SENP7: variants seen among roughly 807,000 people sequenced by gnomAD.
The protein encoded by SENP7 is sentrin-specific protease 7.
In SENP7, 64 loss-of-function variants were observed where a neutral mutation model predicts 141.2. The ratio of observed to expected loss-of-function variants is 0.45; its 90% CI spans 0.37 to 0.56. The LOEUF is 0.56. Ranked by LOEUF, SENP7 falls within the 20% of genes least tolerant of loss-of-function variation. The pLI is 0.00. For missense variants in SENP7, 1,025 were observed against 1,212.2 expected (o/e 0.85, Z 2.29); for synonymous variants, 382 against 426.4 (o/e 0.90, Z 1.28).
At chr3:101,396,512 G>C (rs1397246487) in intron 6 of SENP7, among the ~76,000 whole-genome samples, 1 of 151,564 alleles carries the variant, frequency 6.6e-6, no homozygotes, top group Non-Finnish European at 1.5e-5. Flanking sequence ...CCAACAGAAA[G>C]TACCTTCCTT....
chr3:101,341,481 A>G (rs2059324744), intron 15 of SENP7, among the ~76,000 whole-genome samples, 165 bp downstream of exon 15: 1 of 152,176 alleles, frequency 6.6e-6, no homozygotes, highest in South Asian at 2.1e-4. Context: ...TTCTTAATAA[A>G]TTTTTTAACT....
At chr3:101,493,555 G>A (rs958190680) in intron 3 of SENP7, among the ~76,000 whole-genome samples, 1 of 151,714 alleles carries the variant, frequency 6.6e-6, no homozygotes, top group African/African-American at 2.4e-5. Context: ...ACTTAAAATG[G>A]GTCAAGTGCA....
chr3:101,422,592 G>A (rs2061822796), intron 4 of SENP7, among the ~76,000 whole-genome samples: 1 of 152,004 alleles, frequency 6.6e-6, no homozygotes, highest in Admixed American at 6.6e-5. Flanking sequence ...TACTTGCCTA[G>A]GCTTTTTAGA....
Position 101,326,013 on chromosome 3 carries a change from G to C in SENP7, c.3083C>G (p.Thr1028Ser), listed in dbSNP as rs757536413. 1.9e-5 allele frequency: 31 copies of C among 1,610,550 alleles called. No homozygotes were observed. Among genetic ancestry groups the C allele is most frequent in the Non-Finnish European group, 2.5e-5 (29 of 1,178,278 alleles). Reference sequence around the variant, plus strand: ...GAGCTCTCGAATATCTTCCCGTTTGGTCTTTATTACATGACGAGGAAACCA... The same window carrying C: ...GAGCTCTCGAATATCTTCCCGTTTGCTCTTTATTACATGACGAGGAAACCA... ...EKWFPRHVIK[T>S]KREDIRELIL... is the part of the protein sequence containing the mutation. Residue 1028 changes from threonine to serine, a missense_variant, in exon 24 of 24, where the codon ACC (threonine) becomes AGC (serine). Thr to Ser is a moderately conservative substitution (Grantham distance 58). Around this residue, in one of 4 missense-constraint regions of SENP7, gnomAD observed 295 missense variants for 459.1 expected, o/e 0.64. Coordinates refer to ENST00000394095, the MANE Select transcript of SENP7 (RefSeq NM_020654.5).
chr3:101,484,964 G>C (rs1259821711), intron 3 of SENP7, among the ~76,000 whole-genome samples: 1 of 151,844 alleles, frequency 6.6e-6, no homozygotes, highest in Admixed American at 6.6e-5. Context: ...CTGGTAGCTG[G>C]GTGAGGTCTG....
chr3:101,500,834 T>C (rs867696372), intron 2 of SENP7, among the ~76,000 whole-genome samples: 2 of 152,266 alleles, frequency 1.3e-5, no homozygotes, highest in South Asian at 4.2e-4. Flanking sequence ...TAAAATGAGC[T>C]CTGGAAAGTA....
chr3:101,460,022 C>T (rs1297112559), intron 3 of SENP7, among the ~76,000 whole-genome samples: 1 of 152,108 alleles, frequency 6.6e-6, no homozygotes, highest in African/African-American at 2.4e-5. Context: ...TCAAAACATG[C>T]TGTAAGAAAT....
intron 4 of SENP7, among the ~76,000 whole-genome samples, chr3:101,443,381 T>C (rs1356065592): frequency 7.9e-5 from 12 of 151,640 alleles, no homozygotes; most frequent in Admixed American, 5.9e-4. Context: ...AGTCAGGTAG[T>C]GTGATGCCTC....
chr3:101,447,881 G>GACAT (rs2062956332), intron 4 of SENP7, among the ~76,000 whole-genome samples: 1 of 152,088 alleles, frequency 6.6e-6, no homozygotes, highest in African/African-American at 2.4e-5. Flanking sequence ...CATATGGACA[G>GACAT]ACATACAGAT....
chr3:101,430,907 C>A (rs1302209646), intron 4 of SENP7, among the ~76,000 whole-genome samples: 1 of 152,168 alleles, frequency 6.6e-6, no homozygotes, highest in African/African-American at 2.4e-5. Context: ...TTTTAAAGAA[C>A]ATCTTTATTT....
chr3:101,501,804 C>T (rs2065392772), intron 1 of SENP7, among the ~76,000 whole-genome samples: 1 of 152,156 alleles, frequency 6.6e-6, no homozygotes, highest in Admixed American at 6.5e-5. Flanking sequence ...GAATATATCA[C>T]AGATTTTACT....
chr3:101,460,455 C>T (rs1195299708), intron 3 of SENP7, among the ~76,000 whole-genome samples: 1 of 152,084 alleles, frequency 6.6e-6, no homozygotes, highest in Non-Finnish European at 1.5e-5. Context: ...GAAAAATAAA[C>T]TTTCAACAAA....
chr3:101,477,121 A>G (rs1016906916), intron 3 of SENP7, among the ~76,000 whole-genome samples: 1 of 152,100 alleles, frequency 6.6e-6, no homozygotes, highest in African/African-American at 2.4e-5. Flanking sequence ...CCATTTGTCA[A>G]TTTTGGCTTT....
chr3:101,454,921 G>A (rs140726243), intron 4 of SENP7, among the ~76,000 whole-genome samples: 126 of 152,292 alleles, frequency 8.3e-4, no homozygotes, highest in African/African-American at 2.8e-3. Context: ...AGACTGTAGT[G>A]ATGGCTCACA....
rs146041577 is a variant in SENP7 at position 101,389,937 on chromosome 3, G to A, written c.677+8924C>T. 5.9e-4 allele frequency among the ~76,000 whole-genome samples: 90 copies of A among 152,178 alleles called. 1 individual carries two copies. The highest frequency in any genetic ancestry group is 2.1e-3 in the African/African-American group (88 of 41,538). On this transcript the variant is annotated intron_variant, in intron 6 of 23. Transcript: ENST00000394095. Reference sequence around the variant, plus strand: ...ATTAAATTGCCAACTTGAAATATATGAGCCAGGCACAGTGGCTCATGCTTG... The same window carrying A: ...ATTAAATTGCCAACTTGAAATATATAAGCCAGGCACAGTGGCTCATGCTTG...
intron 3 of SENP7, among the ~76,000 whole-genome samples, chr3:101,466,542 G>C (rs1323553000): frequency 2.6e-5 from 4 of 152,070 alleles, no homozygotes; most frequent in African/African-American, 4.8e-5. Context: ...ATCTTTCCCA[G>C]ACAAGCAAAA....
At chr3:101,507,544 T>C (rs1329054003) in intron 1 of SENP7, among the ~76,000 whole-genome samples, 1 of 152,186 alleles carries the variant, frequency 6.6e-6, no homozygotes, top group African/African-American at 2.4e-5. Flanking sequence ...CTTGAATTTC[T>C]CCTCCACCTT....
intron 10 of SENP7, among the ~76,000 whole-genome samples, chr3:101,364,609 C>G (rs971002013): frequency 6.6e-6 from 1 of 152,108 alleles, no homozygotes; most frequent in Non-Finnish European, 1.5e-5. Context: ...ATAGACTATT[C>G]AGACTGAAAA....
chr3:101,443,677 G>A (rs1253155366), intron 4 of SENP7, among the ~76,000 whole-genome samples: 1 of 147,370 alleles, frequency 6.8e-6, no homozygotes, highest in Non-Finnish European at 1.5e-5. Flanking sequence ...TCACTTGTAA[G>A]TTGGATTCCT....
Sources: allele counts gnomAD v4.1 joint callset (sites outside exome capture counted in the v4.1 genomes callset), GRCh38; gene constraint gnomAD v4.1.1; regional missense constraint gnomAD v4.1.1; transcripts MANE v1.5; gene names NCBI Gene and HGNC (gene_info 2026-07-23, HGNC 2026-07-21).